IREB2: variants seen among roughly 807,000 people sequenced by gnomAD.
The protein encoded by IREB2 is iron responsive element binding protein 2, also known as iron-responsive element-binding protein 2.
A neutral mutation model predicts 118.8 loss-of-function variants in IREB2; 39 were observed. That is an observed-to-expected ratio of 0.33 (90% CI 0.25 to 0.43). IREB2 has a LOEUF of 0.43. IREB2 is among the 20% of genes least tolerant of loss of function. The pLI is 1.00. For synonymous variants in IREB2, 372 were observed against 392.2 expected (o/e 0.95, Z 0.61); for missense variants, 900 against 1,147.3 (o/e 0.78, Z 3.11).
At chr15:78,447,116 C>T (rs2050942878) in intron 2 of IREB2, among the ~76,000 whole-genome samples, 1 of 151,910 alleles carries the variant, frequency 6.6e-6, no homozygotes, top group Admixed American at 6.6e-5. Flanking sequence ...GCATAGAACC[C>T]ATGATTCTGG....
chr15:78,457,027 T>C (rs886374964), intron 2 of IREB2, among the ~76,000 whole-genome samples: 3 of 152,226 alleles, frequency 2.0e-5, no homozygotes, highest in Non-Finnish European at 4.4e-5. Context: ...GCATTTATGT[T>C]ATGACTATAA....
chr15:78,455,573 AAAAAAAG>A (rs754253734), intron 2 of IREB2, among the ~76,000 whole-genome samples: 22 of 102,392 alleles, frequency 2.1e-4, no homozygotes, highest in East Asian at 5.4e-4. Context: ...TCTATTGAAA[AAAAAAAG>A]AAAAAAAGAA....
chr15:78,481,521 A>AAT (rs982217832), intron 10 of IREB2, among the ~76,000 whole-genome samples: 1 of 24,530 alleles, frequency 4.1e-5, no homozygotes, highest in Non-Finnish European at 9.4e-5. Context: ...ACACCTCGCT[A>AAT]ATTTTTTTTT....
chr15:78,496,116 T>A (rs1412850489), intron 20 of IREB2, among the ~76,000 whole-genome samples: 3 of 152,218 alleles, frequency 2.0e-5, no homozygotes, highest in Non-Finnish European at 4.4e-5. Flanking sequence ...CAGACCTTAC[T>A]GGTATCACTC....
intron 2 of IREB2, among the ~76,000 whole-genome samples, chr15:78,459,546 C>T (rs916177170): frequency 2.0e-5 from 3 of 152,044 alleles, no homozygotes; most frequent in Admixed American, 6.6e-5. Context: ...GACGGGGTTT[C>T]GCCATGTTGG....
intron 2 of IREB2, among the ~76,000 whole-genome samples, chr15:78,449,135 A>C (rs1207891975): frequency 6.6e-6 from 1 of 152,198 alleles, no homozygotes; most frequent in Non-Finnish European, 1.5e-5. Flanking sequence ...TCTTAAACTC[A>C]TATCTTCTGA....
At chr15:78,487,980 G>A (rs767588679) in intron 14 of IREB2, among the ~76,000 whole-genome samples, 163 bp downstream of exon 14, 1 of 152,148 alleles carries the variant, frequency 6.6e-6, no homozygotes, top group Non-Finnish European at 1.5e-5. Context: ...ATCATTTGTA[G>A]ATCCTTGAAA....
chr15:78,487,648 C>A, intron 13 of IREB2, 85 bp from the exon 14 acceptor site: 1 of 755,886 alleles, frequency 1.3e-6, no homozygotes, highest in South Asian at 1.6e-5. Flanking sequence ...AATCTTATTA[C>A]AGTGATAGAA....
chr15:78,497,993 GATT>G (rs1462241425), intron 21 of IREB2, 37 bp from the exon 22 acceptor site: 1 of 1,163,670 alleles, frequency 8.6e-7, no homozygotes, highest in South Asian at 1.2e-5. Context: ...GCACCTGGAA[GATT>G]TACTTGCTCA....
At chr15:78,497,364 A>G (rs1341146903) in intron 21 of IREB2, 53 bp downstream of exon 21, 1 of 1,276,490 alleles carries the variant, frequency 7.8e-7, no homozygotes, top group South Asian at 1.3e-5. Context: ...TTTATGAATT[A>G]TTGAATAAGA....
rs557686274 is a variant in IREB2 at position 78,441,883 on chromosome 15, T to TTTTTA, written c.106+2028_106+2032dup. ...TTTTTATGTGGGGTCAGTACCCTGG[T>TTTTTA]TTTTATTTTATTTTATTTTATTTTA... On this transcript the variant is annotated intron_variant, in intron 2 of 21. Transcript: ENST00000258886. Among the ~76,000 whole-genome samples, 1,363 of 152,064 alleles carry TTTTTA rather than the reference T, an allele frequency of 9.0e-3. 7 individuals carry two copies. Among genetic ancestry groups the TTTTTA allele is most frequent in the Admixed American group, 0.012 (181 of 15,252 alleles).
intron 2 of IREB2, among the ~76,000 whole-genome samples, chr15:78,451,064 A>G (rs2051018249): frequency 6.6e-6 from 1 of 152,010 alleles, no homozygotes. Context: ...TCTTAGGTTC[A>G]AGCGATTCTC....
At chr15:78,440,217 G>A (rs1218773899) in intron 2 of IREB2, among the ~76,000 whole-genome samples, 3 of 151,816 alleles carry the variant, frequency 2.0e-5, no homozygotes, top group Non-Finnish European at 1.5e-5. Context: ...TGAACCCCTG[G>A]GCCCAAATAA....
At chr15:78,466,177 T>C in intron 4 of IREB2, 94 bp from the exon 5 acceptor site, 1 of 720,690 alleles carries the variant, frequency 1.4e-6, no homozygotes, top group South Asian at 1.9e-5. Context: ...ATTCAGTTAC[T>C]TCCAGATAGC....
intron 2 of IREB2, among the ~76,000 whole-genome samples, chr15:78,447,624 C>T (rs1403406335): frequency 1.3e-5 from 2 of 152,108 alleles, no homozygotes; most frequent in Admixed American, 6.6e-5. Context: ...AGCCACCACT[C>T]CCGCTCTGAT....
At chr15:78,493,007 C>G (rs1422004460) in intron 18 of IREB2, among the ~76,000 whole-genome samples, 1 of 152,164 alleles carries the variant, frequency 6.6e-6, no homozygotes, top group African/African-American at 2.4e-5. Flanking sequence ...AGTTGGCTAT[C>G]TTGTGCCTCC....
chr15:78,462,426 T>C (rs1160283672), intron 2 of IREB2, among the ~76,000 whole-genome samples: 2 of 152,236 alleles, frequency 1.3e-5, no homozygotes. Context: ...AATCAAAGTT[T>C]TCGTGAAATG....
intron 13 of IREB2, among the ~76,000 whole-genome samples, chr15:78,487,260 C>G (rs1327697073): frequency 1.3e-5 from 2 of 152,026 alleles, no homozygotes; most frequent in East Asian, 3.9e-4. Flanking sequence ...ATTTTAAACT[C>G]TTGGATGGAA....
At position 78,498,878 on chromosome 15, in the gene IREB2, C is replaced by G. The variant is rs112229218; in HGVS notation, c.*735C>G. The G allele has an allele frequency of 7.2e-5, 11 of 152,234 alleles. No homozygotes were observed. Among genetic ancestry groups the G allele is most frequent in the African/African-American group, 2.7e-4 (11 of 41,464 alleles). The allele number at this position is 152,234 out of a possible 1,614,324, so 9.4% of individuals were successfully genotyped here. A position where few individuals can be genotyped will look rare whatever the true frequency, so the allele number is the denominator to read the frequency against. On this transcript the variant is annotated 3_prime_UTR_variant, in exon 22 of 22. Transcript: ENST00000258886. ...ATATTTCAGCAGTTTGCCACTGTGA[C>G]TGTCTGGCAAGCCCCCAGATGGCGT...
Sources: gnomAD v4.1 joint callset for allele counts (sites outside exome capture counted in the v4.1 genomes callset) on GRCh38, gnomAD v4.1.1 for gene constraint, MANE v1.5 for transcripts, NCBI Gene and HGNC (gene_info 2026-07-23, HGNC 2026-07-21) for gene names.